CNTNAP2: variants seen among roughly 807,000 people sequenced by gnomAD.
The protein encoded by CNTNAP2 is contactin associated protein 2.
In CNTNAP2, 98 loss-of-function variants were observed where a neutral mutation model predicts 155.2. The observed-to-expected ratio is 0.63, with a 90% CI of 0.54 to 0.75. CNTNAP2 has a LOEUF of 0.75. Ranked by LOEUF, CNTNAP2 falls within the 30% of genes least tolerant of loss-of-function variation. The pLI is 0.00. For missense variants in CNTNAP2, 1,727 were observed against 1,688.1 expected (o/e 1.02, Z -0.40); for synonymous variants, 651 against 631.2 (o/e 1.03, Z -0.47).
intron 21 of CNTNAP2, among the ~76,000 whole-genome samples, chr7:148,362,299 C>T (rs1286719446): frequency 6.6e-6 from 1 of 152,142 alleles, no homozygotes; most frequent in African/African-American, 2.4e-5. Context: ...TTACGTCCCC[C>T]CAGGTCCCTC....
At chr7:148,161,982 G>A (rs1330589974) in intron 17 of CNTNAP2, among the ~76,000 whole-genome samples, 2 of 152,086 alleles carry the variant, frequency 1.3e-5, no homozygotes, top group African/African-American at 2.4e-5. Flanking sequence ...AATCCCTCAC[G>A]GATCCATCCC....
chr7:147,063,675 G>A (rs113244155), intron 4 of CNTNAP2, among the ~76,000 whole-genome samples: 36 of 152,168 alleles, frequency 2.4e-4, no homozygotes, highest in African/African-American at 6.0e-4. Flanking sequence ...TTAATATAAA[G>A]TCCAGCAAAA....
At chr7:147,312,090 T>C (rs1236339939) in intron 9 of CNTNAP2, among the ~76,000 whole-genome samples, 1 of 152,126 alleles carries the variant, frequency 6.6e-6, no homozygotes, top group African/African-American at 2.4e-5. Flanking sequence ...TTAGTTTTTC[T>C]AGTTTGGTTT....
At chr7:146,573,796 T>C (rs576910558) in intron 1 of CNTNAP2, among the ~76,000 whole-genome samples, 8 of 152,338 alleles carry the variant, frequency 5.3e-5, no homozygotes, top group Middle Eastern at 3.4e-3. Context: ...TATGTGTTCT[T>C]GGTCAGTTTC....
intron 3 of CNTNAP2, among the ~76,000 whole-genome samples, chr7:147,035,744 A>G (rs1197331250): frequency 2.6e-5 from 4 of 152,204 alleles, no homozygotes; most frequent in Admixed American, 1.3e-4. Context: ...CATTCGCTAT[A>G]GGAGCTTGTG....
intron 15 of CNTNAP2, among the ~76,000 whole-genome samples, chr7:147,980,951 A>C (rs1801516967): frequency 6.6e-6 from 1 of 151,272 alleles, no homozygotes; most frequent in African/African-American, 2.4e-5. Flanking sequence ...AAAAAAAAAA[A>C]AAAAAGAATG....
At chr7:146,839,946 G>A (rs1309544890) in intron 3 of CNTNAP2, 42 bp downstream of exon 3, 2 of 1,599,682 alleles carry the variant, frequency 1.3e-6, no homozygotes, top group Non-Finnish European at 1.7e-6. Flanking sequence ...AATTGGATTG[G>A]AAATATTAGA....
intron 21 of CNTNAP2, among the ~76,000 whole-genome samples, chr7:148,284,667 C>A (rs1041957760): frequency 6.6e-6 from 1 of 151,688 alleles, no homozygotes. Context: ...TGTCACTCAA[C>A]ACCACTGCAT....
At chr7:146,504,653 G>T (rs1202175994) in intron 1 of CNTNAP2, among the ~76,000 whole-genome samples, 1 of 152,192 alleles carries the variant, frequency 6.6e-6, no homozygotes, top group Non-Finnish European at 1.5e-5. Flanking sequence ...AATGCTAAGA[G>T]GTAGAGCCAC....
intron 11 of CNTNAP2, among the ~76,000 whole-genome samples, chr7:147,531,625 A>G (rs1406405989): frequency 6.6e-6 from 1 of 152,172 alleles, no homozygotes; most frequent in African/African-American, 2.4e-5. Context: ...GGCCTGGCCC[A>G]TGAAACCACT....
intron 3 of CNTNAP2, among the ~76,000 whole-genome samples, chr7:146,948,518 C>T (rs1185917625): frequency 1.3e-5 from 2 of 151,962 alleles, no homozygotes; most frequent in Non-Finnish European, 2.9e-5. Context: ...AAAAAAATAG[C>T]CTTCATTTAG....
chr7:148,334,843 G>T (rs550349988), intron 21 of CNTNAP2, among the ~76,000 whole-genome samples: 1 of 152,332 alleles, frequency 6.6e-6, no homozygotes, highest in East Asian at 1.9e-4. Flanking sequence ...GTGGAGAGAA[G>T]GGGCCTCCTG....
At chr7:146,580,082 A>G (rs1313503884) in intron 1 of CNTNAP2, among the ~76,000 whole-genome samples, 3 of 152,150 alleles carry the variant, frequency 2.0e-5, no homozygotes, top group Non-Finnish European at 4.4e-5. Context: ...TTCAGTAAGC[A>G]GTTAAAAAGA....
intron 14 of CNTNAP2, among the ~76,000 whole-genome samples, chr7:147,952,639 T>C (rs552503704): frequency 6.6e-6 from 1 of 152,190 alleles, no homozygotes; most frequent in Non-Finnish European, 1.5e-5. Context: ...CTGAGAGTTT[T>C]AAAAACTTAG....
At chr7:147,542,677 C>G (rs191799732) in intron 11 of CNTNAP2, among the ~76,000 whole-genome samples, 3 of 152,152 alleles carry the variant, frequency 2.0e-5, no homozygotes, top group Non-Finnish European at 4.4e-5. Context: ...TGGTGAAGAT[C>G]TTTGGAGAAA....
chr7:147,288,721 T>C (rs1319697098), intron 8 of CNTNAP2, among the ~76,000 whole-genome samples: 1 of 152,236 alleles, frequency 6.6e-6, no homozygotes, highest in Non-Finnish European at 1.5e-5. Context: ...TGTTATACTT[T>C]TTTGGGTTTT....
intron 1 of CNTNAP2, among the ~76,000 whole-genome samples, chr7:146,250,401 G>C (rs73455894): frequency 0.014 from 2,172 of 152,302 alleles, 52 homozygotes; most frequent in African/African-American, 0.049. Flanking sequence ...CCTTTAGCCA[G>C]GACAGTACTT....
intron 1 of CNTNAP2, among the ~76,000 whole-genome samples, chr7:146,637,453 A>G (rs1799618188): frequency 6.6e-6 from 1 of 151,810 alleles, no homozygotes; most frequent in Non-Finnish European, 1.5e-5. Flanking sequence ...CTAGGATTTT[A>G]TTTTCTATTT....
chr7:147,037,713 C>T (rs903258681), intron 3 of CNTNAP2, among the ~76,000 whole-genome samples: 5 of 151,922 alleles, frequency 3.3e-5, no homozygotes, highest in South Asian at 2.1e-4. Flanking sequence ...AAATAGCATC[C>T]CTGACAATTT....
Sources: gnomAD v4.1 joint callset for allele counts (sites outside exome capture counted in the v4.1 genomes callset) on GRCh38, gnomAD v4.1.1 for gene constraint, MANE v1.5 for transcripts, NCBI Gene and HGNC (gene_info 2026-07-23, HGNC 2026-07-21) for gene names.